DTWD2: variants seen among roughly 807,000 people sequenced by gnomAD.
DTWD2 encodes the protein DTW motif tRNA-uridine aminocarboxypropyltransferase 2.
In DTWD2, 39 loss-of-function variants were observed where a neutral mutation model predicts 31.8. The observed-to-expected ratio is 1.22, with a 90% CI of 0.95 to 1.60. The LOEUF is 1.60. DTWD2 is among the 40% of genes most tolerant of loss of function. DTWD2 has a pLI of 0.00. For synonymous variants in DTWD2, 180 were observed against 142.8 expected, an observed-to-expected ratio of 1.26 and a Z score of -1.86; for missense variants, 515 against 381.5, an observed-to-expected ratio of 1.35 and a Z score of -2.92.
intron 1 of DTWD2, among the ~76,000 whole-genome samples, chr5:118,961,341 A>G (rs1342397935): frequency 6.6e-6 from 1 of 152,192 alleles, no homozygotes; most frequent in Non-Finnish European, 1.5e-5. Flanking sequence ...CTTTCTTAAC[A>G]GCAAATTAAT....
chr5:118,925,993 G>A (rs1580413212), intron 4 of DTWD2, among the ~76,000 whole-genome samples: 1 of 152,256 alleles, frequency 6.6e-6, no homozygotes, highest in African/African-American at 2.4e-5. Context: ...ACTTTGGGAA[G>A]CCGAGGTAGG....
intron 4 of DTWD2, among the ~76,000 whole-genome samples, chr5:118,858,689 T>G: frequency 6.6e-6 from 1 of 152,210 alleles, no homozygotes; most frequent in East Asian, 1.9e-4. Flanking sequence ...CTTCTTGCTA[T>G]TTTATTCCTA....
intron 1 of DTWD2, chr5:118,973,664 TCCTTGCTC>T (rs1755050062): frequency 8.3e-6 from 6 of 726,272 alleles, no homozygotes; most frequent in South Asian, 6.8e-5. Flanking sequence ...CGCGGCAGCC[TCCTTGCTC>T]GCCGCAGCCG....
intron 4 of DTWD2, among the ~76,000 whole-genome samples, chr5:118,909,480 G>A (rs1202415835): frequency 2.0e-5 from 3 of 152,126 alleles, no homozygotes; most frequent in African/African-American, 7.2e-5. Flanking sequence ...CACCTTCTCA[G>A]ACTTCACTTG....
chr5:118,941,773 G>T (rs1272299689), intron 2 of DTWD2, among the ~76,000 whole-genome samples: 4 of 152,300 alleles, frequency 2.6e-5, no homozygotes, highest in Non-Finnish European at 4.4e-5. Context: ...CACAATGGTT[G>T]AACTAGTTTA....
At chr5:118,965,800 G>A (rs975955212) in intron 1 of DTWD2, among the ~76,000 whole-genome samples, 3 of 152,082 alleles carry the variant, frequency 2.0e-5, no homozygotes, top group African/African-American at 4.8e-5. Context: ...CAAACATTGC[G>A]GAAGGCCCCA....
chr5:118,949,787 G>A (rs915475417), intron 1 of DTWD2, among the ~76,000 whole-genome samples: 2 of 152,122 alleles, frequency 1.3e-5, no homozygotes, highest in Non-Finnish European at 2.9e-5. Context: ...TTGAACTGGG[G>A]AAAAGGGCGG....
At chr5:118,968,279 T>C (rs299202) in intron 1 of DTWD2, among the ~76,000 whole-genome samples, 106,726 of 151,844 alleles carry the variant, frequency 0.7, 37,882 homozygotes, top group East Asian at 0.99. Flanking sequence ...CAATGTGGGA[T>C]GCTGAGTTAG....
intron 4 of DTWD2, among the ~76,000 whole-genome samples, chr5:118,902,694 A>G (rs2149566432): frequency 6.6e-6 from 1 of 152,176 alleles, no homozygotes; most frequent in South Asian, 2.1e-4. Context: ...GTTACTCTCT[A>G]TGGCAATCAT....
chr5:118,949,228 C>T (rs1239948421), intron 1 of DTWD2, among the ~76,000 whole-genome samples: 3 of 152,120 alleles, frequency 2.0e-5, no homozygotes, highest in Admixed American at 6.6e-5. Context: ...TGAGAAACGG[C>T]TTGACTGAAG....
chr5:118,961,477 T>G lies in DTWD2; in HGVS notation c.219-16828A>C, dbSNP rs1360192814. On this transcript the variant is annotated intron_variant, in intron 1 of 5. Coordinates refer to ENST00000510708, the MANE Select transcript of DTWD2 (RefSeq NM_173666.4). ...TCTAAAGGAAACAATTTCTTAATCA[T>G]TTTTGTATTATCCCAGCTGTGCATT... Among the ~76,000 whole-genome samples, 3 of 151,888 alleles carry G rather than the reference T, an allele frequency of 2.0e-5. No individual in the cohort carries two copies. In the East Asian group the frequency reaches 5.8e-4, roughly 29 times the overall value.
intron 4 of DTWD2, among the ~76,000 whole-genome samples, chr5:118,909,645 C>T (rs1753415420): frequency 1.3e-5 from 2 of 152,210 alleles, no homozygotes; most frequent in South Asian, 2.1e-4. Context: ...CAAGCGCACA[C>T]ATGCAGATTT....
intron 1 of DTWD2, among the ~76,000 whole-genome samples, chr5:118,957,624 T>C (rs1754615857): frequency 6.6e-6 from 1 of 152,262 alleles, no homozygotes; most frequent in South Asian, 2.1e-4. Context: ...GTTTTTCTTT[T>C]TGCGAATTGG....
intron 1 of DTWD2, among the ~76,000 whole-genome samples, chr5:118,978,668 C>T (rs1241262935): frequency 6.6e-6 from 1 of 152,168 alleles, no homozygotes; most frequent in Admixed American, 6.5e-5. Flanking sequence ...ATCAAAACCA[C>T]AGTGAGATAC....
intron 5 of DTWD2, among the ~76,000 whole-genome samples, chr5:118,842,763 T>A (rs1423193709): frequency 7.5e-6 from 1 of 132,540 alleles, no homozygotes; most frequent in African/African-American, 3.4e-5. Context: ...CAAGACCCTG[T>A]TTCTATTAAA....
intron 1 of DTWD2, among the ~76,000 whole-genome samples, chr5:118,959,829 A>C (rs1192360918): frequency 6.6e-6 from 1 of 152,236 alleles, no homozygotes; most frequent in Non-Finnish European, 1.5e-5. Flanking sequence ...AAGCTGACAA[A>C]AACAAGCAAT....
At chr5:118,949,435 G>T (rs964826803) in intron 1 of DTWD2, among the ~76,000 whole-genome samples, 5 of 152,110 alleles carry the variant, frequency 3.3e-5, no homozygotes, top group African/African-American at 4.8e-5. Context: ...AAGAGTGTAC[G>T]GGTTGGGCAC....
At chr5:118,930,382 A>G (rs1753896621) in intron 3 of DTWD2, among the ~76,000 whole-genome samples, 1 of 152,198 alleles carries the variant, frequency 6.6e-6, no homozygotes, top group African/African-American at 2.4e-5. Context: ...TTTTCTTTGA[A>G]ATATAATTTG....
chr5:118,929,998 T>C (rs1284587234), intron 3 of DTWD2, among the ~76,000 whole-genome samples: 1 of 152,200 alleles, frequency 6.6e-6, no homozygotes, highest in Non-Finnish European at 1.5e-5. Flanking sequence ...ATAACCAGCT[T>C]TGCCATGCTC....
Sources: allele counts gnomAD v4.1 joint callset (sites outside exome capture counted in the v4.1 genomes callset), GRCh38; gene constraint gnomAD v4.1.1; transcripts MANE v1.5; gene names NCBI Gene and HGNC (gene_info 2026-07-23, HGNC 2026-07-21).